The following EOGT variants were observed in gnomAD, a reference collection of about 807,000 sequenced individuals.
EOGT encodes EGF domain specific O-linked N-acetylglucosamine transferase.
EOGT carries 55 observed loss-of-function variants against 70.5 expected under a neutral mutation model. The observed-to-expected ratio is 0.78, with a 90% CI of 0.63 to 0.98. The LOEUF is 0.98. Ranked by LOEUF, EOGT falls within the 50% of genes least tolerant of loss-of-function variation. The pLI, the probability that EOGT is intolerant of heterozygous loss-of-function variation, is 0.00. For missense variants in EOGT, 703 were observed against 641.9 expected (o/e 1.10, Z -1.03); for synonymous variants, 246 against 217.1 (o/e 1.13, Z -1.17).
chr3:68,989,004 T>C lies in EOGT; in HGVS notation c.845A>G (p.Tyr282Cys). The C allele has an allele frequency of 6.6e-7, 1 of 1,526,496 alleles. No homozygotes were observed. Among genetic ancestry groups the C allele is most frequent in the Non-Finnish European group, 8.8e-7 (1 of 1,140,240 alleles). 94.6% of individuals were successfully genotyped at this position (1,526,496 alleles called of 1,614,324 possible). A position where few individuals can be genotyped will look rare whatever the true frequency, so the allele number is the denominator to read the frequency against. ...CCATGTGTCGGAGAATAGGTCACCA[T>C]ATCCGTAAGAACTCTGAAAGTAGAA... ...IVMWDTSSYG[Y>C]GDLFSDTWNA... The change falls in exon 11 of 18, where the codon TAT (tyrosine) becomes TGT (cysteine). Residue 282 changes from tyrosine to cysteine, a missense_variant. Tyr to Cys is a radical substitution (Grantham distance 194, BLOSUM62 -2). Transcript: ENST00000383701.
At chr3:68,999,823 T>A (rs1235363202) in intron 9 of EOGT, among the ~76,000 whole-genome samples, 1 of 152,144 alleles carries the variant, frequency 6.6e-6, no homozygotes, top group South Asian at 2.1e-4. Flanking sequence ...GTTGCAAGAA[T>A]TTATAAACAG....
intron 1 of EOGT, among the ~76,000 whole-genome samples, chr3:69,013,121 G>T (rs555939753): frequency 5.3e-5 from 8 of 152,244 alleles, no homozygotes; most frequent in African/African-American, 1.7e-4. Flanking sequence ...TGAGGGGTCA[G>T]TGGCGAGCAC....
chr3:68,983,185 A>G (rs1290479434), intron 14 of EOGT, among the ~76,000 whole-genome samples: 1 of 152,200 alleles, frequency 6.6e-6, no homozygotes, highest in Non-Finnish European at 1.5e-5. Context: ...GCACAGAAAT[A>G]GCTAACCATT....
chr3:68,990,413 C>T (rs2090958003), intron 10 of EOGT, among the ~76,000 whole-genome samples: 1 of 134,942 alleles, frequency 7.4e-6, no homozygotes, highest in Admixed American at 8.5e-5. Context: ...AGTGCCATGT[C>T]GTGATCTGGG....
intron 15 of EOGT, among the ~76,000 whole-genome samples, chr3:68,980,778 G>C (rs1227928007): frequency 6.6e-6 from 1 of 152,184 alleles, no homozygotes; most frequent in East Asian, 1.9e-4. Flanking sequence ...CATTCACCCA[G>C]GTGAACATAC....
Position 69,007,681 on chromosome 3 carries a change from CAAGTTTATTTAGTA to C in EOGT, c.420+18_420+31del, listed in dbSNP as rs1280753205. 1 of 1,341,180 alleles carries C rather than the reference CAAGTTTATTTAGTA, an allele frequency of 7.5e-7. No individual in the cohort carries two copies. Among genetic ancestry groups the C allele is most frequent in the Non-Finnish European group, 1.0e-6 (1 of 956,932 alleles). 83.1% of individuals were successfully genotyped at this position (1,341,180 alleles called of 1,614,324 possible). A position where few individuals can be genotyped will look rare whatever the true frequency, so the allele number is the denominator to read the frequency against. Reference sequence around the variant, plus strand: ...ATAAATAAAATTAAAATTAAATAAACAAGTTTATTTAGTAAGGAGCAAAATACCCACCGTTTCCT... The same window carrying C: ...ATAAATAAAATTAAAATTAAATAAACAGGAGCAAAATACCCACCGTTTCCT... On this transcript the variant is annotated intron_variant, in intron 6 of 17. Coordinates refer to ENST00000383701, the MANE Select transcript of EOGT (RefSeq NM_001278689.2).
chr3:68,979,580 A>G (rs932055355), intron 16 of EOGT, 88 bp downstream of exon 16: 2 of 1,373,616 alleles, frequency 1.5e-6, no homozygotes, highest in African/African-American at 2.9e-5. Context: ...ATTAAATATT[A>G]AGCCTTTTGA....
intron 14 of EOGT, among the ~76,000 whole-genome samples, chr3:68,986,775 C>T (rs9310134): frequency 0.4 from 61,412 of 152,056 alleles, 13,103 homozygotes; most frequent in Non-Finnish European, 0.48. Context: ...CTGTCTCTCA[C>T]CTCTACGGTG....
intron 9 of EOGT, among the ~76,000 whole-genome samples, 176 bp downstream of exon 9, chr3:69,001,432 T>C (rs972759824): frequency 1.3e-5 from 2 of 152,096 alleles, no homozygotes; most frequent in African/African-American, 4.8e-5. Context: ...GCCCAAGTTA[T>C]AAAATAATGG....
intron 7 of EOGT, 31 bp downstream of exon 7, chr3:69,005,109 T>C (rs749542013): frequency 7.8e-6 from 9 of 1,154,222 alleles, no homozygotes; most frequent in Non-Finnish European, 1.1e-5. Context: ...TCAGAATTTA[T>C]ACTAGATGTT....
Position 68,976,150 on chromosome 3 carries a change from T to C in EOGT, c.*1468A>G, listed in dbSNP as rs1398466650. ...TTCTTTTTAATCAATGACACTGTTT[T>C]AGAGCTTCTTTTTCACTTTCATTGA... On this transcript the variant is annotated 3_prime_UTR_variant, in exon 18 of 18. Transcript: ENST00000383701. The C allele has an allele frequency of 6.6e-6, 1 of 152,228 alleles. No homozygotes were observed. The highest frequency in any genetic ancestry group is 1.9e-4 in the East Asian group (1 of 5,194). 9.4% of individuals were successfully genotyped at this position (152,228 alleles called of 1,614,324 possible). A position where few individuals can be genotyped will look rare whatever the true frequency, so the allele number is the denominator to read the frequency against.
At chr3:68,981,857 T>TGTTATCAAACGTTTGATAAC (rs1395057936) in intron 15 of EOGT, among the ~76,000 whole-genome samples, 9 of 152,004 alleles carry the variant, frequency 5.9e-5, no homozygotes, top group African/African-American at 1.9e-4. Flanking sequence ...CATTTGATAA[T>TGTTATCAAACGTTTGATAAC]GTTATCAAAT....
chr3:69,008,738 A>G (rs2091498417), intron 4 of EOGT, among the ~76,000 whole-genome samples: 1 of 152,186 alleles, frequency 6.6e-6, no homozygotes, highest in South Asian at 2.1e-4. Flanking sequence ...CACCCCCACC[A>G]TATCGGTCCC....
chr3:68,994,152 A>T (rs541723743), intron 10 of EOGT, among the ~76,000 whole-genome samples: 1 of 152,322 alleles, frequency 6.6e-6, no homozygotes, highest in South Asian at 2.1e-4. Flanking sequence ...ATATGTTATG[A>T]CTATATTGTC....
intron 3 of EOGT, among the ~76,000 whole-genome samples, chr3:69,011,100 C>T (rs2091562344): frequency 6.6e-6 from 1 of 151,624 alleles, no homozygotes; most frequent in Non-Finnish European, 1.5e-5. Context: ...TCTAATTCAC[C>T]CAGTAAGTGT....
At chr3:68,996,559 C>G (rs528118031) in intron 10 of EOGT, among the ~76,000 whole-genome samples, 7 of 152,338 alleles carry the variant, frequency 4.6e-5, no homozygotes, top group African/African-American at 1.7e-4. Context: ...ATCCTGGGGA[C>G]TTTGCCAACA....
intron 14 of EOGT, 97 bp from the exon 15 acceptor site, chr3:68,982,969 T>A (rs2090693799): frequency 1.5e-6 from 1 of 654,640 alleles, no homozygotes; most frequent in Non-Finnish European, 2.5e-6. Context: ...CATATACTAT[T>A]TCAGATATTA....
rs758054412 is a variant in EOGT, at chr3:68,982,867, T to C, written c.1158A>G (p.Val386=). Residue 386 remains valine (V), a synonymous_variant, in exon 15 of 18, where the codon GTA becomes GTG. Transcript: ENST00000383701. ...YRKILNQNEL[V]NALKTVSTFE... ...ATGTAGATACTGTTTTCAGTGCATTTACAAGCTGGGAAAAAAAGAGAAACA... is the reference window on the plus strand; with the variant it reads ...ATGTAGATACTGTTTTCAGTGCATTCACAAGCTGGGAAAAAAAGAGAAACA... 1.1e-5 allele frequency: 18 copies of C among 1,601,628 alleles called. No homozygotes were observed. The Admixed American group carries it at 1.9e-4, about 17-fold the overall frequency.
At position 69,009,724 on chromosome 3, in the gene EOGT, G is replaced by A. The variant is rs1464194764; in HGVS notation, c.123C>T (p.Arg41=). 1.2e-6 allele frequency: 2 copies of A among 1,613,974 alleles called. No individual in the cohort carries two copies. The highest frequency in any genetic ancestry group is 1.7e-6 in the Non-Finnish European group (2 of 1,180,030). Residue 41 remains arginine (R), a synonymous_variant, in exon 4 of 18, where the codon CGC becomes CGT. Transcript: ENST00000383701. ...GEPLYNYASI[R]LPEEHIPFFL... is the part of the protein sequence containing the mutation. The stretch of plus-strand genomic sequence containing the variant: ...AGAAGGGAATGTGCTCCTCTGGCAA[G>A]CGGATGCTGGCATAGTTATACAGAG...
Sources: allele counts gnomAD v4.1 joint callset (sites outside exome capture counted in the v4.1 genomes callset), GRCh38; gene constraint gnomAD v4.1.1; transcripts MANE v1.5; gene names NCBI Gene and HGNC (gene_info 2026-07-23, HGNC 2026-07-21).